The following HDAC5 variants were observed in gnomAD, a reference collection of about 807,000 sequenced individuals.
HDAC5 encodes the protein antigen NY-CO-9.
HDAC5 carries 25 observed loss-of-function variants against 133.3 expected under a neutral mutation model. That is an observed-to-expected ratio of 0.19 (90% CI 0.14 to 0.26). The LOEUF (loss-of-function observed/expected upper bound fraction) is 0.26, where lower values mean the gene tolerates loss of function less well. Ranked by LOEUF, HDAC5 falls within the 10% of genes least tolerant of loss-of-function variation. The pLI, the probability that HDAC5 is intolerant of heterozygous loss-of-function variation, is 1.00. For missense variants in HDAC5, 1,041 were observed against 1,460.5 expected, an observed-to-expected ratio of 0.71 and a Z score of 4.68; for synonymous variants, 589 against 610.8, an observed-to-expected ratio of 0.96 and a Z score of 0.53.
At chr17:44,095,284 A>G (rs1597978114) in intron 3 of HDAC5, among the ~76,000 whole-genome samples, 1 of 152,338 alleles carries the variant, frequency 6.6e-6, no homozygotes, top group East Asian at 1.9e-4. Context: ...ATATGAGTCC[A>G]AATCCTAAGC....
At chr17:44,091,600 T>A in intron 10 of HDAC5, 100 bp downstream of exon 10, 6 of 1,493,480 alleles carry the variant, frequency 4.0e-6, no homozygotes, top group Non-Finnish European at 5.4e-6. Flanking sequence ...GGCCAACAGA[T>A]CTCCCTTAGG....
At chr17:44,113,875 A>G (rs1276895660) in intron 2 of HDAC5, among the ~76,000 whole-genome samples, 1 of 152,240 alleles carries the variant, frequency 6.6e-6, no homozygotes, top group Non-Finnish European at 1.5e-5. Flanking sequence ...TGGCTGGCCC[A>G]GGAGCACCCT....
At chr17:44,121,879 T>C (rs2053028477) in intron 1 of HDAC5, among the ~76,000 whole-genome samples, 1 of 152,160 alleles carries the variant, frequency 6.6e-6, no homozygotes, top group African/African-American at 2.4e-5. Flanking sequence ...ACTTGAGATC[T>C]GTCTCTCTGG....
In HDAC5 at chr17:44,085,009, G is replaced by A. The variant is rs567563322; in HGVS notation, c.2184+13C>T. The stretch of plus-strand genomic sequence containing the variant: ...TTTAAGTTGAGAGCCAGAAGAAGGA[G>A]GGGCTCCCTTACCTCGCACTTGCTA... On this transcript the variant is annotated intron_variant, in intron 15 of 26. Coordinates refer to ENST00000682912, the MANE Select transcript of HDAC5 (RefSeq NM_005474.5). 7.0e-6 allele frequency: 11 copies of A among 1,574,756 alleles called. No homozygotes were observed. The highest frequency in any genetic ancestry group is 1.1e-5 in the South Asian group (1 of 89,256).
chr17:44,092,297 T>C lies in HDAC5; in HGVS notation c.920-13A>G. ...CACACGGACGACGCTATAGGAGAAG[T>C]GGCTGTCACCTGGGCCTGCTGTGAA... On this transcript the variant is annotated splice_polypyrimidine_tract_variant and intron_variant, in intron 8 of 26. Coordinates refer to ENST00000682912, the MANE Select transcript of HDAC5 (RefSeq NM_005474.5). 1.2e-6 allele frequency: 2 copies of C among 1,613,788 alleles called. No homozygotes were observed. Among genetic ancestry groups the C allele is most frequent in the Non-Finnish European group, 1.7e-6 (2 of 1,179,860 alleles).
At chr17:44,093,885 A>G in intron 3 of HDAC5, 51 bp from the exon 4 acceptor site, 1 of 1,444,058 alleles carries the variant, frequency 6.9e-7, no homozygotes, top group East Asian at 2.5e-5. Context: ...CCCAGACTCC[A>G]GTCATGCCTG....
intron 13 of HDAC5, 68 bp from the exon 14 acceptor site, chr17:44,086,805 C>T: frequency 2.5e-6 from 3 of 1,199,632 alleles, no homozygotes; most frequent in Non-Finnish European, 3.2e-6. Context: ...CAGGCCCTGT[C>T]AGGGCCTCCA....
intron 11 of HDAC5, among the ~76,000 whole-genome samples, chr17:44,090,283 T>C (rs564416894): frequency 6.6e-6 from 1 of 152,196 alleles, no homozygotes; most frequent in South Asian, 2.1e-4. Context: ...TCTACAAAAA[T>C]TAAAAAATAG....
chr17:44,090,466 C>T (rs1416712527), intron 11 of HDAC5, among the ~76,000 whole-genome samples: 1 of 151,874 alleles, frequency 6.6e-6, no homozygotes, highest in Non-Finnish European at 1.5e-5. Flanking sequence ...CCTCCGCCTC[C>T]TGGGTTCAAG....
chr17:44,093,303 C>T lies in HDAC5; in HGVS notation c.526+11G>A. 1 of 1,582,806 alleles carries T rather than the reference C, an allele frequency of 6.3e-7. No homozygotes were observed. The highest frequency in any genetic ancestry group is 8.6e-7 in the Non-Finnish European group (1 of 1,162,450). Reference sequence around the variant, plus strand: ...CGGGGCCCTACGAGGTCCCAGGAGGCCCTGCCTTACTCTCTTTGCTCTTCT... The same window carrying T: ...CGGGGCCCTACGAGGTCCCAGGAGGTCCTGCCTTACTCTCTTTGCTCTTCT... On this transcript the variant is annotated intron_variant, in intron 5 of 26. Transcript: ENST00000682912.
At chr17:44,096,977 C>T (rs1159440137) in intron 3 of HDAC5, among the ~76,000 whole-genome samples, 1 of 152,262 alleles carries the variant, frequency 6.6e-6, no homozygotes, top group East Asian at 1.9e-4. Context: ...CCGCCTCGGC[C>T]TCCCAAAGTG....
At chr17:44,091,932 G>A in intron 9 of HDAC5, 101 bp from the exon 10 acceptor site, 4 of 1,367,456 alleles carry the variant, frequency 2.9e-6, no homozygotes. Flanking sequence ...ATGGTGCCCA[G>A]TTCCCTCTAC....
intron 1 of HDAC5, among the ~76,000 whole-genome samples, chr17:44,118,992 G>A (rs1049751422): frequency 6.6e-6 from 1 of 152,186 alleles, no homozygotes; most frequent in Non-Finnish European, 1.5e-5. Context: ...GCGCATGCAC[G>A]CACACATGCA....
intron 1 of HDAC5, among the ~76,000 whole-genome samples, chr17:44,121,817 G>C (rs956668904): frequency 6.6e-6 from 1 of 152,132 alleles, no homozygotes; most frequent in South Asian, 2.1e-4. Context: ...AAAAGAAGGG[G>C]AGGCTGGCAC....
In HDAC5 at chr17:44,122,923, A is replaced by C. The variant is rs538923121; in HGVS notation, c.-190+581T>G. Among the ~76,000 whole-genome samples the C allele has an allele frequency of 2.6e-5, 4 of 152,288 alleles. No individual in the cohort carries two copies. The East Asian group carries it at 7.7e-4, about 29-fold the overall frequency. On this transcript the variant is annotated intron_variant, in intron 1 of 26. Transcript: ENST00000682912. ...GAAGAGGGTGGCAACAAACGCAGTA[A>C]CGCCTCACAGGAGACGGGGTGAGAA...
chr17:44,079,962 G>A (rs1490642278), intron 23 of HDAC5, 145 bp downstream of exon 23: 6 of 679,894 alleles, frequency 8.8e-6, no homozygotes, highest in Non-Finnish European at 1.6e-5. Context: ...ACAAGTTGGG[G>A]GAGTTACCAA....
intron 1 of HDAC5, among the ~76,000 whole-genome samples, chr17:44,122,591 G>A (rs559264679): frequency 6.6e-6 from 1 of 152,100 alleles, no homozygotes; most frequent in East Asian, 1.9e-4. Context: ...TCAGCCAGGG[G>A]TATCAAGTGG....
At chr17:44,110,305 C>G (rs919284783) in intron 3 of HDAC5, among the ~76,000 whole-genome samples, 2 of 152,200 alleles carry the variant, frequency 1.3e-5, no homozygotes, top group Admixed American at 6.5e-5. Flanking sequence ...GCCAGAGGAG[C>G]TGGAGTAACC....
intron 2 of HDAC5, chr17:44,111,711 A>G (rs2052359075): frequency 3.9e-6 from 2 of 511,682 alleles, no homozygotes; most frequent in South Asian, 2.8e-5. Context: ...GTGCCTCCCC[A>G]CCCCTTCAAC....
Sources: gnomAD v4.1 joint callset for allele counts (sites outside exome capture counted in the v4.1 genomes callset) on GRCh38, gnomAD v4.1.1 for gene constraint, MANE v1.5 for transcripts, NCBI Gene and HGNC (gene_info 2026-07-23, HGNC 2026-07-21) for gene names.